Variants in KCNN2 observed in about 807,000 individuals in gnomAD.
KCNN2 encodes the protein small conductance calcium-activated potassium channel protein 2.
In KCNN2, 24 loss-of-function variants were observed where a neutral mutation model predicts 55.5. The observed-to-expected ratio is 0.43, with a 90% CI of 0.31 to 0.61. The LOEUF (loss-of-function observed/expected upper bound fraction) is 0.61. Among genes scored for constraint, KCNN2 ranks in the 20% least tolerant of loss-of-function variants. The pLI is 0.08. For synonymous variants in KCNN2, 431 were observed against 336.1 expected (o/e 1.28, Z -3.09); for missense variants, 754 against 853.6 (o/e 0.88, Z 1.45).
intron 5 of KCNN2, among the ~76,000 whole-genome samples, chr5:114,476,696 C>T (rs1392602740): frequency 6.6e-6 from 1 of 152,100 alleles, no homozygotes; most frequent in Admixed American, 6.5e-5. Context: ...GCTGGGATTA[C>T]AGGCGTGAGC....
At chr5:114,142,725 C>G (rs977853267) in intron 1 of KCNN2, among the ~76,000 whole-genome samples, 2 of 152,228 alleles carry the variant, frequency 1.3e-5, no homozygotes, top group African/African-American at 2.4e-5. Flanking sequence ...AGGACACAAA[C>G]AAATGGAAGA....
rs182827698 is a variant in KCNN2, at chr5:114,170,659, G to A, written c.-270-50821G>A. Among the ~76,000 whole-genome samples the A allele has an allele frequency of 4.6e-3, 696 of 151,126 alleles. 7 individuals carry two copies. Among genetic ancestry groups the A allele is most frequent in the African/African-American group, 0.015 (619 of 41,432 alleles). On this transcript the variant is annotated intron_variant, in intron 1 of 10. Coordinates refer to the KCNN2 transcript ENST00000512097. ...TGTTGAAAGTTGAAAATTATGGCTC[G>A]TCTCTCAATTGATAGCCTTAAATAT...
chr5:114,091,579 A>G (rs901578), intron 1 of KCNN2, among the ~76,000 whole-genome samples: 86,594 of 152,002 alleles, frequency 0.57, 24,906 homozygotes, highest in East Asian at 0.69. Flanking sequence ...CTTGCAACCT[A>G]TATTAGTCCA....
intron 1 of KCNN2, among the ~76,000 whole-genome samples, chr5:114,097,540 T>G (rs879932092): frequency 6.6e-6 from 1 of 152,052 alleles, no homozygotes; most frequent in Non-Finnish European, 1.5e-5. Flanking sequence ...CCTGGCTGAG[T>G]GTCAAAATAT....
chr5:114,093,903 T>G (rs1751200798), intron 1 of KCNN2, among the ~76,000 whole-genome samples: 1 of 152,112 alleles, frequency 6.6e-6, no homozygotes, highest in Non-Finnish European at 1.5e-5. Context: ...CTAAAGAATT[T>G]TCCCTGTTAC....
At position 114,192,022 on chromosome 5, in the gene KCNN2, C is replaced by T. The variant is rs144934764; in HGVS notation, c.-270-29458C>T. Among the ~76,000 whole-genome samples, 60 of 152,274 alleles carry T rather than the reference C, an allele frequency of 3.9e-4. No homozygotes were observed. The South Asian group carries it at 6.2e-3, about 16-fold the overall frequency. On this transcript the variant is annotated intron_variant, in intron 1 of 10. Transcript: ENST00000512097. Reference sequence around the variant, plus strand: ...AGAATGTAGGCTATTGATTGACCAGCATAGAGGCTCATGGAGAAAAGTTTA... The same window carrying T: ...AGAATGTAGGCTATTGATTGACCAGTATAGAGGCTCATGGAGAAAAGTTTA...
At chr5:114,083,916 T>C (rs766668782) in intron 1 of KCNN2, among the ~76,000 whole-genome samples, 18 of 152,098 alleles carry the variant, frequency 1.2e-4, no homozygotes, top group Non-Finnish European at 2.6e-4. Flanking sequence ...TGTTTTTGAA[T>C]GTTGGAATCG....
chr5:114,320,808 G>GTTGT (rs1222580410), intron 2 of KCNN2, among the ~76,000 whole-genome samples: 2 of 152,058 alleles, frequency 1.3e-5, no homozygotes, highest in East Asian at 1.9e-4. Flanking sequence ...AAAGAATAGT[G>GTTGT]TTGTTTGTTT....
At chr5:114,466,474 AATAT>A (rs10577661) in intron 4 of KCNN2, among the ~76,000 whole-genome samples, 24 of 149,482 alleles carry the variant, frequency 1.6e-4, no homozygotes, top group African/African-American at 1.7e-4. Flanking sequence ...TCTTCCTAGA[AATAT>A]ATATATATAT....
intron 1 of KCNN2, among the ~76,000 whole-genome samples, chr5:114,113,651 A>G (rs1751650539): frequency 6.6e-6 from 1 of 152,138 alleles, no homozygotes; most frequent in Non-Finnish European, 1.5e-5. Flanking sequence ...AATTATGGAC[A>G]TGTGACAAGG....
chr5:114,298,247 T>C (rs1233300145), intron 2 of KCNN2, among the ~76,000 whole-genome samples: 1 of 152,206 alleles, frequency 6.6e-6, no homozygotes, highest in Non-Finnish European at 1.5e-5. Flanking sequence ...ATGGTTCTGC[T>C]AGGAAAGGGA....
At chr5:114,159,082 G>C (rs926110897) in intron 1 of KCNN2, among the ~76,000 whole-genome samples, 2 of 152,164 alleles carry the variant, frequency 1.3e-5, no homozygotes, top group Non-Finnish European at 2.9e-5. Flanking sequence ...TCTTGTGCCA[G>C]TTTTCAAAGG....
intron 1 of KCNN2, among the ~76,000 whole-genome samples, chr5:114,094,138 T>C (rs939045262): frequency 9.2e-5 from 14 of 152,202 alleles, no homozygotes; most frequent in African/African-American, 3.4e-4. Flanking sequence ...GACCTTGTTT[T>C]TGTTTCCAAA....
At chr5:114,218,328 G>A (rs1322493521) in intron 1 of KCNN2, among the ~76,000 whole-genome samples, 2 of 152,168 alleles carry the variant, frequency 1.3e-5, no homozygotes, top group Non-Finnish European at 2.9e-5. Flanking sequence ...CCCAAACTTG[G>A]AAGCAACAAA....
intron 2 of KCNN2, among the ~76,000 whole-genome samples, chr5:114,341,528 C>A (rs1757014933): frequency 6.6e-6 from 1 of 152,018 alleles, no homozygotes; most frequent in Non-Finnish European, 1.5e-5. Flanking sequence ...TCACTAACTC[C>A]TGTTTGATGT....
chr5:114,468,782 T>G (rs1170350809), intron 4 of KCNN2, among the ~76,000 whole-genome samples: 1 of 152,208 alleles, frequency 6.6e-6, no homozygotes, highest in Non-Finnish European at 1.5e-5. Flanking sequence ...ATCAAAACCT[T>G]TCCACAGTGT....
At chr5:114,291,797 T>A (rs1284640083) in intron 2 of KCNN2, among the ~76,000 whole-genome samples, 2 of 152,276 alleles carry the variant, frequency 1.3e-5, no homozygotes, top group Non-Finnish European at 2.9e-5. Flanking sequence ...ACTAGTTTAG[T>A]GTCCCACCAA....
At chr5:114,075,050 G>A (rs565181636) in intron 1 of KCNN2, among the ~76,000 whole-genome samples, 2 of 152,268 alleles carry the variant, frequency 1.3e-5, no homozygotes, top group South Asian at 4.1e-4. Context: ...ATACCCCTTA[G>A]CACTATGCCC....
At chr5:114,120,602 C>G (rs900674796) in intron 1 of KCNN2, among the ~76,000 whole-genome samples, 4 of 152,116 alleles carry the variant, frequency 2.6e-5, no homozygotes, top group African/African-American at 9.7e-5. Flanking sequence ...AAATCAAGGC[C>G]ATTGCACTTG....
Sources: gnomAD v4.1 joint callset for allele counts (sites outside exome capture counted in the v4.1 genomes callset) on GRCh38, gnomAD v4.1.1 for gene constraint, MANE v1.5 for transcripts, NCBI Gene and HGNC (gene_info 2026-07-23, HGNC 2026-07-21) for gene names.